The following LARGE1 variants were observed in gnomAD, a reference collection of about 807,000 sequenced individuals.
LARGE1 encodes xylosyl- and glucuronyltransferase LARGE1.
A neutral mutation model predicts 87.6 loss-of-function variants in LARGE1; 43 were observed. The observed-to-expected ratio is 0.49, with a 90% CI of 0.38 to 0.63. The LOEUF (loss-of-function observed/expected upper bound fraction) is 0.63, where lower values mean the gene tolerates loss of function less well. Among genes scored for constraint, LARGE1 ranks in the 30% least tolerant of loss-of-function variants. The probability of loss-of-function intolerance (pLI) is 0.00; values close to 1 mark genes in which losing one functional copy is unlikely to be tolerated. For synonymous variants in LARGE1, 434 were observed against 394.6 expected (o/e 1.10, Z -1.18); for missense variants, 802 against 1,000.2 (o/e 0.80, Z 2.67).
At chr22:33,568,587 A>G (rs2078097762) in intron 5 of LARGE1, among the ~76,000 whole-genome samples, 1 of 151,994 alleles carries the variant, frequency 6.6e-6, no homozygotes, top group African/African-American at 2.4e-5. Context: ...AACAACAGGG[A>G]GAAATGCCAT....
At chr22:33,641,427 A>G (rs2080429608) in intron 3 of LARGE1, among the ~76,000 whole-genome samples, 1 of 152,148 alleles carries the variant, frequency 6.6e-6, no homozygotes, top group Admixed American at 6.5e-5. Flanking sequence ...ATGAAGAAAA[A>G]CCACTGCAAA....
At chr22:33,342,033 T>G (rs1939205353) in intron 9 of LARGE1, among the ~76,000 whole-genome samples, 2 of 152,150 alleles carry the variant, frequency 1.3e-5, no homozygotes, top group African/African-American at 4.8e-5. Context: ...CAGGGACGTA[T>G]GAGTGTGCAA....
intron 11 of LARGE1, among the ~76,000 whole-genome samples, chr22:33,216,376 C>T (rs541746419): frequency 1.2e-4 from 18 of 152,224 alleles, no homozygotes; most frequent in African/African-American, 4.1e-4. Context: ...CGCCTGTAAT[C>T]CCAGCACTTA....
At chr22:33,473,652 C>A (rs1421118143) in intron 6 of LARGE1, among the ~76,000 whole-genome samples, 1 of 152,146 alleles carries the variant, frequency 6.6e-6, no homozygotes, top group Non-Finnish European at 1.5e-5. Flanking sequence ...ACCACGTTGG[C>A]TAGGCTGGTC....
intron 9 of LARGE1, among the ~76,000 whole-genome samples, chr22:33,341,070 A>G (rs1261595619): frequency 6.7e-6 from 1 of 148,716 alleles, no homozygotes; most frequent in African/African-American, 2.6e-5. Flanking sequence ...CCCCCACAAA[A>G]TTCACATGTG....
At chr22:33,070,931 G>A in the LARGE1 span, among the ~76,000 whole-genome samples, 3 of 152,176 alleles carry the variant, frequency 2.0e-5, no homozygotes, top group Non-Finnish European at 4.4e-5. Flanking sequence ...GCAGGCAATC[G>A]TGGAGAGCTG....
At chr22:33,620,317 C>T (rs751543099) in intron 4 of LARGE1, among the ~76,000 whole-genome samples, 4 of 152,194 alleles carry the variant, frequency 2.6e-5, no homozygotes, top group Non-Finnish European at 5.9e-5. Flanking sequence ...CTTTCCTGCC[C>T]AGGAGGTAAA....
At chr22:33,714,835 A>T (rs1243608480) in intron 2 of LARGE1, among the ~76,000 whole-genome samples, 7 of 152,214 alleles carry the variant, frequency 4.6e-5, no homozygotes, top group South Asian at 2.1e-4. Flanking sequence ...TTATGGAAAG[A>T]TGGCAGGTGA....
chr22:33,258,007 T>G lies in LARGE1; in HGVS notation c.1730+46222A>C, dbSNP rs577591328. On this transcript the variant is annotated intron_variant, in intron 11 of 11. Coordinates refer to the LARGE1 transcript ENST00000608642. ...AGAGCATAGGTTGGGGGGATTTACCTGGATGGGGGGATCAAGAAATGTATA... is the reference window on the plus strand; with the variant it reads ...AGAGCATAGGTTGGGGGGATTTACCGGGATGGGGGGATCAAGAAATGTATA... 2.0e-5 allele frequency among the ~76,000 whole-genome samples: 3 copies of G among 150,412 alleles called. No individual in the cohort carries two copies. In the South Asian group the frequency reaches 6.4e-4, roughly 32 times the overall value.
chr22:33,502,799 C>T (rs2070534995), intron 6 of LARGE1, among the ~76,000 whole-genome samples: 1 of 152,186 alleles, frequency 6.6e-6, no homozygotes, highest in Non-Finnish European at 1.5e-5. Context: ...GATCTCTTGA[C>T]CTCGTGATCT....
At chr22:33,755,746 C>T (rs1054005653) in intron 2 of LARGE1, among the ~76,000 whole-genome samples, 3 of 152,182 alleles carry the variant, frequency 2.0e-5, no homozygotes, top group Non-Finnish European at 4.4e-5. Context: ...CTGTGTCCCT[C>T]AATACCACAG....
chr22:33,332,258 A>G (rs2283890), intron 10 of LARGE1, among the ~76,000 whole-genome samples: 28,835 of 151,956 alleles, frequency 0.19, 5,197 homozygotes, highest in African/African-American at 0.48. Context: ...TGGTCTCATG[A>G]TAGTGAATAA....
chr22:33,530,336 T>C (rs547717939), intron 6 of LARGE1, among the ~76,000 whole-genome samples: 27 of 152,312 alleles, frequency 1.8e-4, no homozygotes, highest in African/African-American at 6.5e-4. Context: ...GCACAGTTAC[T>C]TGCAGCCAAA....
chr22:33,099,603 T>C, the LARGE1 span, among the ~76,000 whole-genome samples: 1 of 152,190 alleles, frequency 6.6e-6, no homozygotes, highest in Non-Finnish European at 1.5e-5. Flanking sequence ...CCAGTGAACA[T>C]TTCTTTCCTC....
At chr22:33,793,634 T>C (rs1455272842) in intron 1 of LARGE1, among the ~76,000 whole-genome samples, 1 of 152,192 alleles carries the variant, frequency 6.6e-6, no homozygotes, top group African/African-American at 2.4e-5. Context: ...ATAGCTACTG[T>C]CACTTCCAGA....
chr22:33,820,417 G>A (rs943608140), intron 1 of LARGE1, among the ~76,000 whole-genome samples: 1 of 152,038 alleles, frequency 6.6e-6, no homozygotes, highest in Non-Finnish European at 1.5e-5. Flanking sequence ...AAACTCGGGG[G>A]CTCAACAGAT....
At chr22:33,818,577 T>G (rs1386980543) in intron 1 of LARGE1, among the ~76,000 whole-genome samples, 1 of 152,172 alleles carries the variant, frequency 6.6e-6, no homozygotes, top group Non-Finnish European at 1.5e-5. Flanking sequence ...CAGTATTTGT[T>G]GATAGCCTGT....
intron 9 of LARGE1, among the ~76,000 whole-genome samples, chr22:33,369,398 G>A (rs1364144099): frequency 6.6e-6 from 1 of 152,044 alleles, no homozygotes; most frequent in Non-Finnish European, 1.5e-5. Flanking sequence ...CATGTTTTTG[G>A]ATCAACAGCC....
At chr22:33,635,197 T>C (rs1260993654) in intron 3 of LARGE1, among the ~76,000 whole-genome samples, 1 of 152,052 alleles carries the variant, frequency 6.6e-6, no homozygotes. Flanking sequence ...TCTGAACCCC[T>C]GGCCCATTCC....
Sources: allele counts gnomAD v4.1 joint callset (sites outside exome capture counted in the v4.1 genomes callset), GRCh38; gene constraint gnomAD v4.1.1; transcripts MANE v1.5; gene names NCBI Gene and HGNC (gene_info 2026-07-23, HGNC 2026-07-21).